The following ANO2 variants were observed in gnomAD, a reference collection of about 807,000 sequenced individuals.
ANO2 encodes anoctamin-2.
ANO2 carries 101 observed loss-of-function variants against 124.2 expected under a neutral mutation model. The ratio of observed to expected loss-of-function variants is 0.81; its 90% CI spans 0.69 to 0.96. ANO2 has a LOEUF of 0.96. Among genes scored for constraint, ANO2 ranks in the 40% least tolerant of loss-of-function variants. The pLI, the probability that ANO2 is intolerant of heterozygous loss-of-function variation, is 0.00. For synonymous variants in ANO2, 486 were observed against 482.5 expected (o/e 1.01, Z -0.09); for missense variants, 1,293 against 1,274.5 (o/e 1.01, Z -0.22).
chr12:5,574,587 A>G (rs1942300691), intron 23 of ANO2, among the ~76,000 whole-genome samples: 2 of 152,130 alleles, frequency 1.3e-5, no homozygotes, highest in African/African-American at 4.8e-5. Context: ...TCCTATGTCT[A>G]CTGTCACCAA....
At chr12:5,588,256 G>A (rs1214640536) in intron 20 of ANO2, among the ~76,000 whole-genome samples, 1 of 150,888 alleles carries the variant, frequency 6.6e-6, no homozygotes, top group Non-Finnish European at 1.5e-5. Flanking sequence ...GAGGCGGGGG[G>A]CAGCTTTGGT....
At chr12:5,594,943 T>C (rs1382768398) in intron 20 of ANO2, among the ~76,000 whole-genome samples, 2 of 152,220 alleles carry the variant, frequency 1.3e-5, no homozygotes, top group Non-Finnish European at 2.9e-5. Flanking sequence ...TTATCATCTA[T>C]ATGTAGATCT....
rs758593766 is a variant in ANO2 at position 5,799,609 on chromosome 12, G to C, written c.991-38C>G. On this transcript the variant is annotated intron_variant, in intron 9 of 24. Coordinates refer to ENST00000682330, the MANE Select transcript of ANO2 (RefSeq NM_001364791.2). ...AATAAGGAAACAGGTTAGAGGTAGA[G>C]ATGGGAAACTTCACCTGATTTTGTC... 2.5e-6 allele frequency: 4 copies of C among 1,583,496 alleles called. No homozygotes were observed. In the African/African-American group the frequency reaches 5.4e-5, roughly 21 times the overall value.
intron 11 of ANO2, 143 bp downstream of exon 11, chr12:5,750,693 G>A (rs1026056463): frequency 4.5e-6 from 4 of 879,238 alleles, no homozygotes; most frequent in African/African-American, 3.4e-5. Flanking sequence ...TGTCTCTGGA[G>A]GAAAGCTACA....
At chr12:5,785,336 C>T (rs1952510627) in intron 10 of ANO2, among the ~76,000 whole-genome samples, 2 of 152,006 alleles carry the variant, frequency 1.3e-5, no homozygotes, top group Non-Finnish European at 2.9e-5. Flanking sequence ...GAGGATAAAT[C>T]TTCAGGGGGA....
intron 14 of ANO2, among the ~76,000 whole-genome samples, chr12:5,674,968 G>C (rs1319979682): frequency 6.6e-6 from 1 of 152,118 alleles, no homozygotes; most frequent in Non-Finnish European, 1.5e-5. Context: ...AAAGCTAAGG[G>C]ATGGGCAGTC....
chr12:5,612,845 A>G (rs1944612564), intron 18 of ANO2, 56 bp downstream of exon 18: 2 of 1,610,276 alleles, frequency 1.2e-6, no homozygotes, highest in East Asian at 2.2e-5. Flanking sequence ...TGTGCTGGAG[A>G]TAAGAATGGG....
At chr12:5,831,104 AC>A (rs1404856331) in intron 5 of ANO2, among the ~76,000 whole-genome samples, 28 of 152,232 alleles carry the variant, frequency 1.8e-4, no homozygotes, top group Non-Finnish European at 1.6e-4. Context: ...AGAAAATAGC[AC>A]ATGGGGCATG....
intron 14 of ANO2, among the ~76,000 whole-genome samples, chr12:5,712,042 C>T (rs1048999762): frequency 1.3e-5 from 2 of 152,138 alleles, no homozygotes; most frequent in African/African-American, 2.4e-5. Context: ...AATGTTGTGC[C>T]GAGCTGCAGT....
chr12:5,684,656 T>C (rs749545928), intron 14 of ANO2, among the ~76,000 whole-genome samples: 45 of 152,162 alleles, frequency 3.0e-4, no homozygotes, highest in Non-Finnish European at 6.2e-4. Context: ...CATATTCCAC[T>C]CTAAACCTCT....
At chr12:5,591,552 A>T (rs780686039) in intron 20 of ANO2, among the ~76,000 whole-genome samples, 1 of 152,182 alleles carries the variant, frequency 6.6e-6, no homozygotes, top group South Asian at 2.1e-4. Flanking sequence ...ACTTTTAGGC[A>T]GCTAAGGGAA....
chr12:5,606,659 T>TA lies in ANO2; in HGVS notation c.2087+5996dup, dbSNP rs553905143. ...AATGGGGGGAAATTTAAAAGTTGAT[T>TA]AAAAAATGACTGAAGAGTGGGAAGC... On this transcript the variant is annotated intron_variant, in intron 19 of 24. Transcript: ENST00000682330. Among the ~76,000 whole-genome samples the TA allele has an allele frequency of 5.5e-3, 840 of 152,264 alleles. 7 individuals are homozygous for TA. The highest frequency in any genetic ancestry group is 0.019 in the African/African-American group (800 of 41,546).
At chr12:5,764,397 C>A (rs1164733245) in intron 10 of ANO2, among the ~76,000 whole-genome samples, 2 of 152,186 alleles carry the variant, frequency 1.3e-5, no homozygotes, top group Non-Finnish European at 2.9e-5. Context: ...GTTCTCACAG[C>A]CCTACAAGGT....
At chr12:5,701,301 T>G (rs1949398415) in intron 14 of ANO2, among the ~76,000 whole-genome samples, 2 of 152,196 alleles carry the variant, frequency 1.3e-5, no homozygotes, top group South Asian at 2.1e-4. Flanking sequence ...ATCACTATTA[T>G]TCTAGGCTTA....
intron 19 of ANO2, among the ~76,000 whole-genome samples, chr12:5,610,723 C>CAT (rs377499491): frequency 0.22 from 25,154 of 116,734 alleles, 3,387 homozygotes; most frequent in East Asian, 0.46. Context: ...CACATATATA[C>CAT]ATATATATAT....
In ANO2 at chr12:5,612,675, T is replaced by C. The variant is rs1944600676; in HGVS notation, c.2068A>G (p.Ile690Val). 6.2e-7 allele frequency: 1 copy of C among 1,613,894 alleles called. No individual in the cohort carries two copies. Among genetic ancestry groups the C allele is most frequent in the Non-Finnish European group, 8.5e-7 (1 of 1,179,852 alleles). ...MLGKQLIQNNIFEIGVPKLKK... is the reference protein window; with the variant it reads ...MLGKQLIQNNVFEIGVPKLKK... ...ACATACGGGACTCCAATCTCAAAGA[T>C]GTTGTTCTGGATCAACTGCTTCCCC... The change falls in exon 19 of 25, where the codon ATC becomes GTC. Residue 690 changes from isoleucine to valine, a missense_variant. Physicochemically the swap from Ile to Val is conservative, Grantham distance 29. Transcript: ENST00000682330.
chr12:5,638,288 T>G (rs1591793829), intron 15 of ANO2, among the ~76,000 whole-genome samples: 1 of 144,756 alleles, frequency 6.9e-6, no homozygotes, highest in South Asian at 2.3e-4. Context: ...CAGGTTGGAG[T>G]GCAGTGGTGC....
intron 9 of ANO2, among the ~76,000 whole-genome samples, chr12:5,803,137 T>C (rs926132309): frequency 6.6e-6 from 1 of 152,158 alleles, no homozygotes; most frequent in African/African-American, 2.4e-5. Context: ...AAAGATGCTA[T>C]AGCCACCTTG....
At position 5,904,771 on chromosome 12, in the gene ANO2, G is replaced by T. The variant is rs1204744424; in HGVS notation, c.534+16269C>A. Among the ~76,000 whole-genome samples the T allele has an allele frequency of 6.6e-6, 1 of 152,202 alleles. No individual in the cohort carries two copies. Among genetic ancestry groups the T allele is most frequent in the Admixed American group, 6.5e-5 (1 of 15,274 alleles). On this transcript the variant is annotated intron_variant, in intron 3 of 24. Coordinates refer to ENST00000682330, the MANE Select transcript of ANO2 (RefSeq NM_001364791.2). This position sits in a 1 kb window ranked among gnomAD's most constrained non-coding sequence, Gnocchi z 4.1. ...CCAGACCCATACACCTGTCTCAGGG[G>T]CAGTCCTGAGCAGACTGATTCTCAC...
Sources: gnomAD v4.1 joint callset for allele counts (sites outside exome capture counted in the v4.1 genomes callset) on GRCh38, gnomAD v4.1.1 for gene constraint, Gnocchi (gnomAD v3.1) non-coding constraint, MANE v1.5 for transcripts, NCBI Gene and HGNC (gene_info 2026-07-23, HGNC 2026-07-21) for gene names.